Variants in MED12L observed in about 807,000 individuals in gnomAD.
MED12L encodes the protein mediator of RNA polymerase II transcription subunit 12-like protein.
A neutral mutation model predicts 281.3 loss-of-function variants in MED12L; 60 were observed. That is an observed-to-expected ratio of 0.21 (90% CI 0.17 to 0.26). MED12L has a LOEUF of 0.26. MED12L is among the 10% of genes least tolerant of loss of function. The probability of loss-of-function intolerance (pLI) is 1.00; values close to 1 mark genes in which losing one functional copy is unlikely to be tolerated. For synonymous variants in MED12L, 974 were observed against 987.2 expected (o/e 0.99, Z 0.25); for missense variants, 2,146 against 2,680.9 (o/e 0.80, Z 4.41).
In MED12L at chr3:151,244,913, C is replaced by G. The variant is rs965042388; in HGVS notation, c.2250+51247C>G. The stretch of plus-strand genomic sequence containing the variant: ...AAAAAGAGAGAAGAATCTAATAGAC[C>G]CAATAAAAAATGATAAAGGGGATAT... On this transcript the variant is annotated intron_variant, in intron 16 of 44. Transcript: ENST00000687756. 8.1e-3 allele frequency among the ~76,000 whole-genome samples: 1,237 copies of G among 151,850 alleles called. 9 individuals carry two copies. Among genetic ancestry groups the G allele is most frequent in the Non-Finnish European group, 0.012 (834 of 67,898 alleles).
chr3:151,162,552 C>A (rs532424505), intron 8 of MED12L, among the ~76,000 whole-genome samples: 4 of 151,676 alleles, frequency 2.6e-5, no homozygotes, highest in East Asian at 3.9e-4. Context: ...GATCCTCCCC[C>A]CTCAGCCTCC....
At chr3:151,349,915 G>A (rs1196364153) in intron 16 of MED12L, 144 bp from the exon 17 acceptor site, 2 of 555,244 alleles carry the variant, frequency 3.6e-6, no homozygotes, top group African/African-American at 1.9e-5. Flanking sequence ...TGTTGCCAGT[G>A]GAGGTTGAGG....
chr3:151,312,187 A>G (rs773480209), intron 16 of MED12L, among the ~76,000 whole-genome samples: 20 of 152,242 alleles, frequency 1.3e-4, no homozygotes, highest in Non-Finnish European at 2.2e-4. Flanking sequence ...GAGGAGGAAC[A>G]AGATGGGGGA....
At chr3:151,355,057 C>G in intron 17 of MED12L, 64 bp from the exon 18 acceptor site, 1 of 1,146,084 alleles carries the variant, frequency 8.7e-7, no homozygotes, top group Non-Finnish European at 1.3e-6. Context: ...AAAAAAGTAT[C>G]CATTAAAAAT....
chr3:151,411,337 G>A lies in MED12L; in HGVS notation c.5970G>A (p.Gln1990=). Reference sequence around the variant, plus strand: ...AGATGCCTTTGCAGCAGACATCGCAGCAGCAGGCTGGCAGTGTGGTCCTGT... The same window carrying A: ...AGATGCCTTTGCAGCAGACATCGCAACAGCAGGCTGGCAGTGTGGTCCTGT... ...GTQMPLQQTS[Q]QQAGSVVLSP... Residue 1990 remains glutamine, a synonymous_variant, in exon 41 of 45, where the codon CAG becomes CAA. Coordinates refer to ENST00000687756, the MANE Select transcript of MED12L (RefSeq NM_001393769.1). 1 of 1,614,224 alleles carries A rather than the reference G, an allele frequency of 6.2e-7. No homozygotes were observed. Among genetic ancestry groups the A allele is most frequent in the Non-Finnish European group, 8.5e-7 (1 of 1,180,042 alleles).
chr3:151,235,131 G>A (rs1732471347), intron 16 of MED12L, among the ~76,000 whole-genome samples: 1 of 152,098 alleles, frequency 6.6e-6, no homozygotes, highest in African/African-American at 2.4e-5. Flanking sequence ...TAGGTATTTT[G>A]GTCCAGTGGA....
chr3:151,340,469 T>A (rs1751670873), intron 16 of MED12L: 1 of 152,640 alleles, frequency 6.6e-6, no homozygotes. Context: ...ATAATTTTTA[T>A]TCCAAATACA....
At chr3:151,368,673 TCA>T (rs1560087340) in intron 25 of MED12L, among the ~76,000 whole-genome samples, 12 of 76,766 alleles carry the variant, frequency 1.6e-4, no homozygotes, top group East Asian at 1.4e-3. Flanking sequence ...TCATTTCATT[TCA>T]TGTCATTTCA....
At chr3:151,285,581 T>G (rs192940648) in intron 16 of MED12L, among the ~76,000 whole-genome samples, 215 of 152,030 alleles carry the variant, frequency 1.4e-3, no homozygotes, top group Non-Finnish European at 2.5e-3. Flanking sequence ...TTGGGTACAT[T>G]GTACACTGCT....
chr3:151,430,467 A>AT (rs1719361164), intron 44 of MED12L, 87 bp downstream of exon 44: 1 of 1,586,734 alleles, frequency 6.3e-7, no homozygotes, highest in South Asian at 1.1e-5. Context: ...CTCTCCCAAG[A>AT]TGGTACCATC....
At chr3:151,348,301 T>C (rs961487660) in intron 16 of MED12L, among the ~76,000 whole-genome samples, 8 of 145,312 alleles carry the variant, frequency 5.5e-5, no homozygotes, top group African/African-American at 1.8e-4. Context: ...TGCCCCCCTG[T>C]TTCCTTCCTA....
intron 39 of MED12L, among the ~76,000 whole-genome samples, chr3:151,406,150 TTAGA>T (rs1406855812): frequency 2.0e-5 from 3 of 152,236 alleles, no homozygotes; most frequent in Non-Finnish European, 4.4e-5. Context: ...GGATGACATG[TTAGA>T]TAGTCTGTTC....
At chr3:151,204,184 C>T (rs774195964) in intron 16 of MED12L, among the ~76,000 whole-genome samples, 6 of 152,108 alleles carry the variant, frequency 3.9e-5, no homozygotes, top group Non-Finnish European at 8.8e-5. Context: ...GCTTCATTGG[C>T]TTGGTAGGTG....
intron 13 of MED12L, among the ~76,000 whole-genome samples, chr3:151,190,092 G>A (rs1723775578): frequency 6.6e-6 from 1 of 151,986 alleles, no homozygotes; most frequent in African/African-American, 2.4e-5. Flanking sequence ...GAGGACGGCA[G>A]TCTAGTCCTG....
intron 16 of MED12L, among the ~76,000 whole-genome samples, chr3:151,236,063 T>G (rs1237964171): frequency 6.6e-6 from 1 of 152,162 alleles, no homozygotes; most frequent in Admixed American, 6.5e-5. Context: ...CCCCCTATTC[T>G]TACATACAGC....
chr3:151,369,586 AC>A, intron 26 of MED12L, 37 bp downstream of exon 26: 1 of 1,357,952 alleles, frequency 7.4e-7, no homozygotes, highest in Non-Finnish European at 1.0e-6. Flanking sequence ...TTGGTTAATC[AC>A]CAGAAATGAA....
At chr3:151,185,973 T>G (rs1404888944) in intron 12 of MED12L, among the ~76,000 whole-genome samples, 2 of 152,154 alleles carry the variant, frequency 1.3e-5, no homozygotes, top group Non-Finnish European at 2.9e-5. Flanking sequence ...CATGTGCACA[T>G]GTGTATAAGA....
chr3:151,285,210 C>T (rs531231148), intron 16 of MED12L, among the ~76,000 whole-genome samples: 1 of 152,194 alleles, frequency 6.6e-6, no homozygotes, highest in African/African-American at 2.4e-5. Context: ...ACTGGCCGGA[C>T]GTGGTGGCTC....
chr3:151,404,801 G>A (rs1373578787), intron 39 of MED12L, among the ~76,000 whole-genome samples: 1 of 152,154 alleles, frequency 6.6e-6, no homozygotes, highest in Non-Finnish European at 1.5e-5. Context: ...AGTAAATTGA[G>A]TGGATAGGAA....
Sources: gnomAD v4.1 joint callset for allele counts (sites outside exome capture counted in the v4.1 genomes callset) on GRCh38, gnomAD v4.1.1 for gene constraint, MANE v1.5 for transcripts, NCBI Gene and HGNC (gene_info 2026-07-23, HGNC 2026-07-21) for gene names.